Variants in KIAA1217 observed in about 807,000 individuals in gnomAD.
KIAA1217 encodes KIAA1217, also known as sickle tail protein homolog.
A neutral mutation model predicts 163.9 loss-of-function variants in KIAA1217; 88 were observed. The observed-to-expected ratio is 0.54, with a 90% CI of 0.45 to 0.64. The LOEUF is 0.64. Ranked by LOEUF, KIAA1217 falls within the 30% of genes least tolerant of loss-of-function variation. KIAA1217 has a pLI of 0.00. For missense variants in KIAA1217, 2,372 were observed against 2,475.0 expected (o/e 0.96, Z 0.88); for synonymous variants, 903 against 923.1 (o/e 0.98, Z 0.39).
At chr10:23,768,413 C>A (rs1214820861) in intron 1 of KIAA1217, among the ~76,000 whole-genome samples, 2 of 152,164 alleles carry the variant, frequency 1.3e-5, no homozygotes, top group African/African-American at 4.8e-5. Flanking sequence ...GAGGGGGGAT[C>A]CTGTCTGGCT....
intron 2 of KIAA1217, among the ~76,000 whole-genome samples, chr10:24,134,827 T>C (rs945645407): frequency 4.6e-5 from 7 of 152,160 alleles, no homozygotes; most frequent in Admixed American, 6.5e-5. Context: ...TCCTCTGGCT[T>C]CAGCTTCCCA....
chr10:24,490,165 T>C (rs965950860), intron 6 of KIAA1217, among the ~76,000 whole-genome samples: 2 of 152,224 alleles, frequency 1.3e-5, no homozygotes, highest in Admixed American at 6.5e-5. Flanking sequence ...ATTAAATGAC[T>C]AGTTAACCAT....
At position 24,524,487 on chromosome 10, in the gene KIAA1217, C is replaced by T. The variant is rs573415613; in HGVS notation, c.2621C>T (p.Ser874Leu). ...HSTGAPGDAK[S>L]EVVPLSGMMV... The stretch of plus-strand genomic sequence containing the variant: ...ACAGGTGCCCCTGGCGATGCGAAGT[C>T]GGAAGTGGTGCCTTTGTCCGGCATG... Residue 874 changes from serine to leucine, a missense_variant, in exon 13 of 21, where the codon TCG becomes TTG. Ser to Leu is a moderately radical substitution (Grantham distance 145). Transcript: ENST00000376454. 7.4e-6 allele frequency: 12 copies of T among 1,614,044 alleles called. No homozygotes were observed. Among genetic ancestry groups the T allele is most frequent in the Admixed American group, 1.7e-5 (1 of 59,996 alleles).
chr10:24,248,826 A>C lies in KIAA1217; in HGVS notation c.354+28917A>C, dbSNP rs565061476. Reference sequence around the variant, plus strand: ...ATTCAGTTTCCTAAATGAAAAAAGAAACTGTTTTAATGTACAGACTATTTA... The same window carrying C: ...ATTCAGTTTCCTAAATGAAAAAAGACACTGTTTTAATGTACAGACTATTTA... On this transcript the variant is annotated intron_variant, in intron 2 of 20. Transcript: ENST00000376454. 2.0e-5 allele frequency among the ~76,000 whole-genome samples: 3 copies of C among 152,326 alleles called. No individual in the cohort carries two copies. The East Asian group carries it at 5.8e-4, about 29-fold the overall frequency.
intron 2 of KIAA1217, among the ~76,000 whole-genome samples, chr10:24,202,413 G>C (rs1253086074): frequency 6.6e-6 from 1 of 152,046 alleles, no homozygotes; most frequent in Admixed American, 6.6e-5. Flanking sequence ...AAACTCCCTG[G>C]GCACAGGCAA....
chr10:24,184,104 C>T (rs937588864), intron 2 of KIAA1217, among the ~76,000 whole-genome samples: 3 of 152,198 alleles, frequency 2.0e-5, no homozygotes, highest in African/African-American at 7.2e-5. Flanking sequence ...CTTTTAATGA[C>T]AAACACTTTA....
intron 1 of KIAA1217, among the ~76,000 whole-genome samples, chr10:23,864,212 C>G (rs1346510014): frequency 6.6e-6 from 1 of 151,764 alleles, no homozygotes; most frequent in Non-Finnish European, 1.5e-5. Flanking sequence ...TGTGAAAGCC[C>G]AGGCTTTTAC....
At chr10:23,822,092 A>C (rs1837648615) in intron 1 of KIAA1217, among the ~76,000 whole-genome samples, 1 of 151,980 alleles carries the variant, frequency 6.6e-6, no homozygotes, top group African/African-American at 2.4e-5. Context: ...TCATCTCCTT[A>C]CTCAGTTCCC....
At chr10:23,895,873 TCAGTAAA>T (rs1286627731) in intron 1 of KIAA1217, among the ~76,000 whole-genome samples, 1 of 151,482 alleles carries the variant, frequency 6.6e-6, no homozygotes, top group Non-Finnish European at 1.5e-5. Context: ...ATCATCATTC[TCAGTAAA>T]CTATCGCAAG....
At chr10:23,822,527 TAGA>T in intron 1 of KIAA1217, among the ~76,000 whole-genome samples, 1 of 152,334 alleles carries the variant, frequency 6.6e-6, no homozygotes, top group South Asian at 2.1e-4. Context: ...TGTTTTGTGT[TAGA>T]AGGAGCAAGA....
intron 3 of KIAA1217, among the ~76,000 whole-genome samples, chr10:24,393,995 G>A (rs1464077286): frequency 6.6e-6 from 1 of 152,214 alleles, no homozygotes; most frequent in Non-Finnish European, 1.5e-5. Flanking sequence ...CTTTCTTCAA[G>A]ACATTAAAAT....
At chr10:23,914,715 C>T (rs1299380756) in intron 1 of KIAA1217, among the ~76,000 whole-genome samples, 1 of 152,136 alleles carries the variant, frequency 6.6e-6, no homozygotes, top group Non-Finnish European at 1.5e-5. Flanking sequence ...TTCACTCCAG[C>T]CCAGGTTTAA....
At chr10:23,882,051 A>G (rs554375481) in intron 1 of KIAA1217, among the ~76,000 whole-genome samples, 1 of 151,656 alleles carries the variant, frequency 6.6e-6, no homozygotes, top group Non-Finnish European at 1.5e-5. Context: ...CTTGTCTTAA[A>G]GGAGTTATAC....
rs1456134988 is a variant in KIAA1217, at chr10:24,299,041, G to C, written c.354+79132G>C. 2.6e-5 allele frequency among the ~76,000 whole-genome samples: 4 copies of C among 152,170 alleles called. No individual in the cohort carries two copies. The East Asian group carries it at 7.7e-4, about 29-fold the overall frequency. On this transcript the variant is annotated intron_variant, in intron 2 of 20. Coordinates refer to ENST00000376454, the MANE Select transcript of KIAA1217 (RefSeq NM_019590.5). ...GGTCAGAATGAATATTAGAGATAATGACCTTAAAACACCTAGCACAGAGTT... is the reference window on the plus strand; with the variant it reads ...GGTCAGAATGAATATTAGAGATAATCACCTTAAAACACCTAGCACAGAGTT...
chr10:24,019,348 G>T (rs763653570), intron 2 of KIAA1217, among the ~76,000 whole-genome samples: 13 of 151,568 alleles, frequency 8.6e-5, no homozygotes, highest in Non-Finnish European at 1.8e-4. Flanking sequence ...ACAAATAAAT[G>T]ATGAGACCTA....
intron 2 of KIAA1217, among the ~76,000 whole-genome samples, chr10:24,070,475 TAGTAATACAAATAATACA>T (rs1215781562): frequency 6.6e-6 from 1 of 152,228 alleles, no homozygotes. Flanking sequence ...TGGTATACAA[TAGTAATACAAATAATACA>T]AGTAATACAA....
At chr10:24,236,309 T>C (rs1450658196) in intron 2 of KIAA1217, among the ~76,000 whole-genome samples, 1 of 152,144 alleles carries the variant, frequency 6.6e-6, no homozygotes, top group African/African-American at 2.4e-5. Context: ...TGGAGTGCAA[T>C]GGGCAGTCTC....
In KIAA1217 at chr10:23,695,954, C is replaced by A. The variant is rs746637980; in HGVS notation, c.-321+720C>A. 4.6e-5 allele frequency among the ~76,000 whole-genome samples: 7 copies of A among 152,222 alleles called. No individual in the cohort carries two copies. Among genetic ancestry groups the A allele is most frequent in the Non-Finnish European group, 7.3e-5 (5 of 68,040 alleles). On this transcript the variant is annotated intron_variant, in intron 1 of 18. Coordinates refer to the KIAA1217 transcript ENST00000376462. This position sits in a 1 kb window ranked among gnomAD's most constrained non-coding sequence, Gnocchi z 4.9. ...CAGGGTGACCCCCACAGCGGCCGGC[C>A]TTCCGGCTGGCTGCCCTCCCCGCTC...
At chr10:24,322,200 C>T (rs745765945) in intron 2 of KIAA1217, among the ~76,000 whole-genome samples, 2 of 152,096 alleles carry the variant, frequency 1.3e-5, no homozygotes, top group Non-Finnish European at 2.9e-5. Context: ...GTGATCCACC[C>T]GCCTCAGCCT....
Sources: allele counts gnomAD v4.1 joint callset (sites outside exome capture counted in the v4.1 genomes callset), GRCh38; gene constraint gnomAD v4.1.1; non-coding constraint Gnocchi (gnomAD v3.1); transcripts MANE v1.5; gene names NCBI Gene and HGNC (gene_info 2026-07-23, HGNC 2026-07-21).